Variants in CTNNA2 observed in about 807,000 individuals in gnomAD.
The protein encoded by CTNNA2 is catenin alpha-2.
A neutral mutation model predicts 101.0 loss-of-function variants in CTNNA2; 42 were observed. That is an observed-to-expected ratio of 0.42 (90% CI 0.32 to 0.54). The LOEUF is 0.54. CTNNA2 is among the 20% of genes least tolerant of loss of function. The probability of loss-of-function intolerance (pLI) is 0.14; values close to 1 mark genes in which losing one functional copy is unlikely to be tolerated. For synonymous variants in CTNNA2, 450 were observed against 456.4 expected, an observed-to-expected ratio of 0.99 and a Z score of 0.18; for missense variants, 871 against 1,223.1, an observed-to-expected ratio of 0.71 and a Z score of 4.29.
intron 2 of CTNNA2, among the ~76,000 whole-genome samples, chr2:79,676,019 AG>A (rs1362368495): frequency 6.6e-6 from 1 of 152,106 alleles, no homozygotes; most frequent in African/African-American, 2.4e-5. Context: ...GGTCATCCGT[AG>A]GTGAGGGCAT....
At chr2:80,518,060 A>C (rs1689240827) in intron 9 of CTNNA2, among the ~76,000 whole-genome samples, 1 of 152,240 alleles carries the variant, frequency 6.6e-6, no homozygotes, top group African/African-American at 2.4e-5. Context: ...ATTAGACTGC[A>C]GATAGCTGGA....
chr2:80,637,653 G>A (rs1673023417), intron 18 of CTNNA2, among the ~76,000 whole-genome samples: 1 of 152,054 alleles, frequency 6.6e-6, no homozygotes, highest in Non-Finnish European at 1.5e-5. Context: ...CCATACACCT[G>A]ATGAGGAGAG....
chr2:79,847,838 T>G (rs1680361642), intron 3 of CTNNA2, among the ~76,000 whole-genome samples: 1 of 152,162 alleles, frequency 6.6e-6, no homozygotes. Flanking sequence ...GATTCAGAAT[T>G]AGATGCTAGC....
At chr2:79,515,131 T>C (rs1476811428) in intron 1 of CTNNA2, among the ~76,000 whole-genome samples, 1 of 152,206 alleles carries the variant, frequency 6.6e-6, no homozygotes, top group East Asian at 1.9e-4. Context: ...ATGGCTTGGC[T>C]GACTCTTCAG....
chr2:80,276,644 AGAGGAGGAGAAG>A (rs887634174), intron 7 of CTNNA2, among the ~76,000 whole-genome samples: 2 of 151,934 alleles, frequency 1.3e-5, no homozygotes, highest in African/African-American at 4.8e-5. Flanking sequence ...TGAGAGAAAG[AGAGGAGGAGAAG>A]GAGGAGGAGG....
At chr2:79,252,288 A>G (rs1674783204) in intron 2 of CTNNA2, among the ~76,000 whole-genome samples, 1 of 96,932 alleles carries the variant, frequency 1.0e-5, no homozygotes, top group African/African-American at 3.7e-5. Context: ...CATGTTTGGA[A>G]GAGATTTTTT....
chr2:79,889,461 G>A (rs2974165), intron 6 of CTNNA2, among the ~76,000 whole-genome samples: 39,254 of 152,062 alleles, frequency 0.26, 5,508 homozygotes, highest in Middle Eastern at 0.36. Context: ...ATAAATAGTC[G>A]GTTGTGGTTT....
intron 6 of CTNNA2, among the ~76,000 whole-genome samples, chr2:79,907,845 A>T (rs1685530283): frequency 6.6e-6 from 1 of 152,222 alleles, no homozygotes; most frequent in African/African-American, 2.4e-5. Context: ...ATTCCAGTGG[A>T]CTTCAGACAT....
intron 4 of CTNNA2, among the ~76,000 whole-genome samples, chr2:79,438,768 G>A (rs2104516402): frequency 6.6e-6 from 1 of 152,314 alleles, no homozygotes; most frequent in Admixed American, 6.5e-5. Context: ...CATTTGAACA[G>A]ACATTTCTCC....
intron 15 of CTNNA2, among the ~76,000 whole-genome samples, chr2:80,594,919 A>C (rs574981713): frequency 5.9e-5 from 9 of 152,066 alleles, no homozygotes; most frequent in African/African-American, 2.2e-4. Flanking sequence ...GATTATAGTA[A>C]GTTTTAAAAT....
intron 2 of CTNNA2, among the ~76,000 whole-genome samples, chr2:79,199,359 T>G (rs567883523): frequency 6.6e-6 from 1 of 152,202 alleles, no homozygotes; most frequent in African/African-American, 2.4e-5. Flanking sequence ...AACATTGATA[T>G]AGTCAGTAAT....
intron 7 of CTNNA2, among the ~76,000 whole-genome samples, chr2:80,040,243 C>T (rs1695949864): frequency 6.6e-6 from 1 of 152,172 alleles, no homozygotes; most frequent in Non-Finnish European, 1.5e-5. Context: ...AGCAATATCA[C>T]CTCTCCAGAA....
At chr2:80,581,147 A>G (rs187747262) in intron 13 of CTNNA2, among the ~76,000 whole-genome samples, 1 of 152,332 alleles carries the variant, frequency 6.6e-6, no homozygotes, top group African/African-American at 2.4e-5. Flanking sequence ...ATCAACCTCA[A>G]TTTACAGAGG....
intron 8 of CTNNA2, among the ~76,000 whole-genome samples, chr2:80,400,253 A>C (rs1310868234): frequency 6.6e-6 from 1 of 152,150 alleles, no homozygotes; most frequent in Non-Finnish European, 1.5e-5. Context: ...TTCCCAGGGG[A>C]AATTTCCATC....
chr2:79,750,725 A>G (rs564216567), intron 3 of CTNNA2, among the ~76,000 whole-genome samples: 2 of 152,120 alleles, frequency 1.3e-5, no homozygotes, highest in Admixed American at 1.3e-4. Flanking sequence ...AAGAACCACA[A>G]CCAGGGGTTG....
chr2:80,242,042 A>G (rs1462226513), intron 7 of CTNNA2, among the ~76,000 whole-genome samples: 1 of 152,222 alleles, frequency 6.6e-6, no homozygotes, highest in African/African-American at 2.4e-5. Context: ...ATATTGAGTG[A>G]CAAAAGAAAA....
intron 4 of CTNNA2, among the ~76,000 whole-genome samples, chr2:79,430,452 A>T (rs1678647840): frequency 6.6e-6 from 1 of 152,148 alleles, no homozygotes; most frequent in South Asian, 2.1e-4. Flanking sequence ...GAGCAGGCAA[A>T]TGTAGCTAAT....
intron 9 of CTNNA2, among the ~76,000 whole-genome samples, chr2:80,530,794 G>A (rs1368591515): frequency 1.3e-5 from 2 of 152,184 alleles, no homozygotes; most frequent in Non-Finnish European, 2.9e-5. Flanking sequence ...GAGGGATCTG[G>A]CCTACCACCT....
intron 7 of CTNNA2, among the ~76,000 whole-genome samples, chr2:80,100,042 G>C (rs1433647230): frequency 6.6e-6 from 1 of 152,098 alleles, no homozygotes; most frequent in South Asian, 2.1e-4. Flanking sequence ...CAATTCTCCT[G>C]CCCCAGCCTC....
Sources: gnomAD v4.1 joint callset for allele counts (sites outside exome capture counted in the v4.1 genomes callset) on GRCh38, gnomAD v4.1.1 for gene constraint, MANE v1.5 for transcripts, NCBI Gene and HGNC (gene_info 2026-07-23, HGNC 2026-07-21) for gene names.